Variants in RB1CC1 observed in about 807,000 individuals in gnomAD.
RB1CC1 encodes the protein RB1-inducible coiled-coil protein 1.
In RB1CC1, 46 loss-of-function variants were observed where a neutral mutation model predicts 177.5. The observed-to-expected ratio is 0.26, with a 90% CI of 0.20 to 0.33. RB1CC1 has a LOEUF of 0.33. RB1CC1 is among the 10% of genes least tolerant of loss of function. The pLI is 1.00. For missense variants in RB1CC1, 1,703 were observed against 1,816.3 expected (o/e 0.94, Z 1.13); for synonymous variants, 666 against 613.6 (o/e 1.09, Z -1.26).
intron 15 of RB1CC1, among the ~76,000 whole-genome samples, chr8:52,652,895 T>C (rs1850739390): frequency 6.6e-6 from 1 of 151,424 alleles, no homozygotes; most frequent in Non-Finnish European, 1.5e-5. Context: ...CTGTCTCTAC[T>C]AAAAATACAA....
chr8:52,710,250 T>C (rs1433025267), intron 1 of RB1CC1, among the ~76,000 whole-genome samples: 3 of 152,182 alleles, frequency 2.0e-5, no homozygotes, highest in Non-Finnish European at 4.4e-5. Flanking sequence ...CACATTTCCC[T>C]GAAAGAAAAC....
Position 52,673,959 on chromosome 8 carries a change from A to C in RB1CC1, c.888T>G (p.Thr296=). The change falls in exon 7 of 24, where the codon ACT becomes ACG. Residue 296 remains threonine (T), a synonymous_variant. Coordinates refer to ENST00000025008, the MANE Select transcript of RB1CC1 (RefSeq NM_014781.5). The part of the protein sequence containing the change: ...VHQQDETTID[T]KDGDLPFFNV... The stretch of plus-strand genomic sequence containing the variant: ...TAAAAAAGGGCAGATCACCATCTTT[A>C]GTGTCAATCGTAGTTTCATCTTGCT... 6.2e-7 allele frequency: 1 copy of C among 1,614,164 alleles called. No homozygotes were observed. Among genetic ancestry groups the C allele is most frequent in the Non-Finnish European group, 8.5e-7 (1 of 1,180,004 alleles).
At chr8:52,686,039 C>T (rs902864656) in intron 2 of RB1CC1, 7 of 152,280 alleles carry the variant, frequency 4.6e-5, no homozygotes, top group Admixed American at 1.3e-4. Flanking sequence ...AGAAATCCTC[C>T]ATAATAGTTC....
At chr8:52,691,410 A>G (rs1012854147) in intron 1 of RB1CC1, among the ~76,000 whole-genome samples, 1 of 152,226 alleles carries the variant, frequency 6.6e-6, no homozygotes, top group Non-Finnish European at 1.5e-5. Flanking sequence ...GACCAAAAAA[A>G]GCTGAAAGAA....
intron 18 of RB1CC1, among the ~76,000 whole-genome samples, chr8:52,637,790 C>G (rs1471052269): frequency 6.6e-6 from 1 of 152,072 alleles, no homozygotes; most frequent in Non-Finnish European, 1.5e-5. Flanking sequence ...CCTGTCTCAG[C>G]CTCCCATGTA....
In RB1CC1 at chr8:52,652,243, G is replaced by A. The variant is rs549153488; in HGVS notation, c.3821+3765C>T. Among the ~76,000 whole-genome samples, 80 of 152,186 alleles carry A rather than the reference G, an allele frequency of 5.3e-4. 2 individuals are homozygous for A. Among genetic ancestry groups the A allele is most frequent in the Non-Finnish European group, 7.8e-4 (53 of 67,984 alleles). ...AGCACTTGGGAGGCCGAGGTGGGCA[G>A]ATCACAAGGTCAGGAGATCGAGACC... On this transcript the variant is annotated intron_variant, in intron 15 of 23. Coordinates refer to ENST00000025008, the MANE Select transcript of RB1CC1 (RefSeq NM_014781.5).
chr8:52,672,517 A>G (rs1182000316), intron 7 of RB1CC1, among the ~76,000 whole-genome samples: 1 of 152,220 alleles, frequency 6.6e-6, no homozygotes, highest in Non-Finnish European at 1.5e-5. Flanking sequence ...CTGAGGCAAG[A>G]GAACTGCTTG....
At chr8:52,706,435 C>CT (rs987262794) in intron 1 of RB1CC1, among the ~76,000 whole-genome samples, 11 of 150,950 alleles carry the variant, frequency 7.3e-5, no homozygotes, top group Non-Finnish European at 1.5e-4. Flanking sequence ...TCTCCGCTCA[C>CT]TGCAGCCTTC....
Position 52,661,595 on chromosome 8 carries a change from A to T in RB1CC1, c.1298T>A (p.Ile433Asn). 6.2e-7 allele frequency: 1 copy of T among 1,612,606 alleles called. No individual in the cohort carries two copies. The highest frequency in any genetic ancestry group is 8.5e-7 in the Non-Finnish European group (1 of 1,179,412). ...TTTGGCAGTGGTACACTTCTGCTTA[A>T]TATCTAACAGTTTTCTATGATTTTG... ...MLQNHRKLLDIKQKCTTAKQE... is the reference protein window; with the variant it reads ...MLQNHRKLLDNKQKCTTAKQE... The change falls in exon 9 of 24, where the codon ATT becomes AAT. Residue 433 changes from isoleucine (I) to asparagine (N), a missense_variant. Coordinates refer to ENST00000025008, the MANE Select transcript of RB1CC1 (RefSeq NM_014781.5).
At chr8:52,660,484 AT>A (rs748261136) in intron 12 of RB1CC1, 111 bp downstream of exon 12, 82 of 1,048,706 alleles carry the variant, frequency 7.8e-5, no homozygotes, top group Admixed American at 1.4e-4. Context: ...TTTTATTTTG[AT>A]TTTTTTTAAA....
chr8:52,655,629 TAATA>T (rs1440147595), intron 15 of RB1CC1, among the ~76,000 whole-genome samples: 5 of 152,040 alleles, frequency 3.3e-5, no homozygotes, highest in Non-Finnish European at 7.4e-5. Flanking sequence ...TTTTAGTCTT[TAATA>T]TATATACTAA....
chr8:52,710,808 A>G (rs1307343398), intron 1 of RB1CC1, among the ~76,000 whole-genome samples: 3 of 152,232 alleles, frequency 2.0e-5, no homozygotes, highest in Admixed American at 6.5e-5. Context: ...GATTATCTAT[A>G]AACATATAAC....
intron 20 of RB1CC1, among the ~76,000 whole-genome samples, chr8:52,634,316 G>T (rs916325714): frequency 6.6e-6 from 1 of 151,732 alleles, no homozygotes; most frequent in Non-Finnish European, 1.5e-5. Flanking sequence ...TGAGGCCAGG[G>T]GTTTGAGACC....
chr8:52,678,139 C>T (rs138143110), intron 5 of RB1CC1, among the ~76,000 whole-genome samples: 2 of 152,026 alleles, frequency 1.3e-5, no homozygotes, highest in African/African-American at 2.4e-5. Flanking sequence ...ATAGTATGGG[C>T]CGGGTGCAGT....
intron 7 of RB1CC1, among the ~76,000 whole-genome samples, chr8:52,672,835 T>A (rs1591042889): frequency 6.6e-6 from 1 of 152,226 alleles, no homozygotes; most frequent in Non-Finnish European, 1.5e-5. Context: ...TTCAGGCCAC[T>A]ACATTGTCAA....
chr8:52,655,984 T>C, intron 15 of RB1CC1, 24 bp downstream of exon 15: 2 of 1,508,590 alleles, frequency 1.3e-6, no homozygotes, highest in Admixed American at 3.8e-5. Flanking sequence ...AATTTTATAA[T>C]TACAGACTAA....
chr8:52,670,722 C>T (rs1427959523), intron 7 of RB1CC1, among the ~76,000 whole-genome samples: 3 of 152,196 alleles, frequency 2.0e-5, no homozygotes, highest in Non-Finnish European at 4.4e-5. Context: ...TGCAGTGGCT[C>T]ACACCTGTAA....
At chr8:52,645,626 A>T in intron 16 of RB1CC1, 76 bp downstream of exon 16, 3 of 1,430,556 alleles carry the variant, frequency 2.1e-6, no homozygotes, top group Non-Finnish European at 2.9e-6. Context: ...ACCCTCAGCT[A>T]CATAAAGAAA....
Position 52,628,078 on chromosome 8 carries a change from T to C in RB1CC1, c.4590A>G (p.Leu1530=), listed in dbSNP as rs768595433. The C allele has an allele frequency of 5.6e-6, 9 of 1,606,290 alleles. 1 individual carries two copies. Among genetic ancestry groups the C allele is most frequent in the Admixed American group, 5.1e-5 (3 of 59,058 alleles). The change falls in exon 22 of 24, where the codon CTA becomes CTG. Residue 1530 remains leucine, a synonymous_variant. Coordinates refer to ENST00000025008, the MANE Select transcript of RB1CC1 (RefSeq NM_014781.5). ...CCAGGGCAGGTAGAGACTCTGAATG[T>C]AGAAAATATAAAGTAGGACTAACAG... ...LFTVSPTLYF[L]HSESLPALDL...
Sources: gnomAD v4.1 joint callset for allele counts (sites outside exome capture counted in the v4.1 genomes callset) on GRCh38, gnomAD v4.1.1 for gene constraint, MANE v1.5 for transcripts, NCBI Gene and HGNC (gene_info 2026-07-23, HGNC 2026-07-21) for gene names.